The following TASP1 variants were observed in gnomAD, a reference collection of about 807,000 sequenced individuals.
TASP1 encodes the protein threonine aspartase 1.
In TASP1, 16 loss-of-function variants were observed where a neutral mutation model predicts 56.6. That is an observed-to-expected ratio of 0.28 (90% CI 0.19 to 0.43). The LOEUF (loss-of-function observed/expected upper bound fraction) is 0.43. Ranked by LOEUF, TASP1 falls within the 20% of genes least tolerant of loss-of-function variation. TASP1 has a pLI of 1.00. For synonymous variants in TASP1, 179 were observed against 184.2 expected, an observed-to-expected ratio of 0.97 and a Z score of 0.23; for missense variants, 393 against 511.6, an observed-to-expected ratio of 0.77 and a Z score of 2.24.
intron 8 of TASP1, among the ~76,000 whole-genome samples, 188 bp downstream of exon 8, chr20:13,558,820 A>T (rs2046248314): frequency 6.6e-6 from 1 of 151,972 alleles, no homozygotes; most frequent in African/African-American, 2.4e-5. Context: ...GTTTCTTTCT[A>T]CTTTCTTTTT....
chr20:13,542,045 C>CAAA (rs374309655), intron 8 of TASP1, among the ~76,000 whole-genome samples: 2 of 66,688 alleles, frequency 3.0e-5, no homozygotes, highest in Non-Finnish European at 3.3e-5. Context: ...ACTCCGTCTC[C>CAAA]AAAAAAAAAA....
At chr20:13,617,163 C>T (rs1243114831) in intron 4 of TASP1, 3 of 424,424 alleles carry the variant, frequency 7.1e-6, no homozygotes, top group East Asian at 7.7e-5. Flanking sequence ...AACATAAAGA[C>T]TCCATAAACA....
the TASP1 span, among the ~76,000 whole-genome samples, chr20:13,113,663 C>T: frequency 6.6e-6 from 1 of 152,146 alleles, no homozygotes; most frequent in African/African-American, 2.4e-5. Context: ...TCTGTGTGGC[C>T]TCCATAGGGT....
the TASP1 span, among the ~76,000 whole-genome samples, chr20:13,150,663 T>C: frequency 1.3e-5 from 2 of 152,232 alleles, no homozygotes; most frequent in African/African-American, 4.8e-5. Flanking sequence ...CTTCCAATCA[T>C]TAAATGTGGG....
chr20:13,476,336 T>C (rs1484575081), intron 11 of TASP1, among the ~76,000 whole-genome samples: 2 of 152,204 alleles, frequency 1.3e-5, no homozygotes, highest in Admixed American at 6.6e-5. Context: ...CCCAAACTCC[T>C]GGGAGTTTCA....
chr20:13,205,701 T>A, the TASP1 span, among the ~76,000 whole-genome samples: 1 of 151,968 alleles, frequency 6.6e-6, no homozygotes, highest in African/African-American at 2.4e-5. Flanking sequence ...CACCTCCGAA[T>A]GCCATCACAT....
intron 11 of TASP1, among the ~76,000 whole-genome samples, chr20:13,447,926 T>C (rs1415823211): frequency 6.6e-6 from 1 of 152,160 alleles, no homozygotes; most frequent in Admixed American, 6.6e-5. Flanking sequence ...GTCATATATT[T>C]GTTAATTTTG....
chr20:13,144,664 G>C, the TASP1 span, among the ~76,000 whole-genome samples: 1 of 152,188 alleles, frequency 6.6e-6, no homozygotes, highest in Non-Finnish European at 1.5e-5. Flanking sequence ...TTCTTAACTG[G>C]AGGTACACAC....
the TASP1 span, among the ~76,000 whole-genome samples, chr20:13,116,586 T>C: frequency 2.6e-5 from 4 of 152,226 alleles, no homozygotes; most frequent in Non-Finnish European, 4.4e-5. Context: ...GGATCTTTGT[T>C]AATTTAGAGC....
the TASP1 span, chr20:13,299,522 C>T: frequency 1.4e-6 from 2 of 1,468,426 alleles, no homozygotes; most frequent in South Asian, 2.5e-5. The surrounding 1 kb of genome is among the most constrained non-coding windows in gnomAD (Gnocchi z 5.8). Context: ...GCTGCACTGA[C>T]GTGCCGACTG....
chr20:13,630,249 T>C (rs909567191), intron 1 of TASP1, 97 bp from the exon 2 acceptor site: 1 of 613,918 alleles, frequency 1.6e-6, no homozygotes, highest in Admixed American at 4.1e-5. Context: ...AAAATCCTAT[T>C]TTTAAGTTAT....
chr20:13,477,035 T>C (rs1055724010), intron 11 of TASP1, among the ~76,000 whole-genome samples: 4 of 152,264 alleles, frequency 2.6e-5, no homozygotes, highest in East Asian at 1.9e-4. Flanking sequence ...TTTTTAAATA[T>C]TCTAAATCAT....
intron 10 of TASP1, among the ~76,000 whole-genome samples, chr20:13,509,600 TAAG>T (rs1269545841): frequency 6.6e-6 from 1 of 152,132 alleles, no homozygotes; most frequent in African/African-American, 2.4e-5. Context: ...CTGATTTCTT[TAAG>T]AAGTGTTTTG....
chr20:13,109,825 A>G, the TASP1 span, among the ~76,000 whole-genome samples: 4 of 152,180 alleles, frequency 2.6e-5, no homozygotes, highest in Non-Finnish European at 5.9e-5. Context: ...TAGAATTTCA[A>G]TCTCTCTAAG....
intron 10 of TASP1, among the ~76,000 whole-genome samples, chr20:13,513,236 T>C (rs1048794355): frequency 1.9e-4 from 29 of 152,186 alleles, no homozygotes; most frequent in Admixed American, 1.9e-3. Flanking sequence ...ATTCAACTGA[T>C]GTTTATTGAG....
chr20:13,576,882 GTAAAATAT>G (rs1228462044), intron 6 of TASP1, among the ~76,000 whole-genome samples: 6 of 152,038 alleles, frequency 3.9e-5, no homozygotes, highest in Admixed American at 3.9e-4. Flanking sequence ...TTTTCTCTTT[GTAAAATAT>G]TAAAATATTG....
At chr20:13,348,554 TTTCACGTTGGCTGACTTTTTTTCTG>T in the TASP1 span, among the ~76,000 whole-genome samples, 421 of 152,342 alleles carry the variant, frequency 2.8e-3, no homozygotes, top group African/African-American at 9.4e-3. Context: ...GCCTAGTGGA[TTTCACGTTGGCTGACTTTTTTTCTG>T]TTCACTCAAA....
the TASP1 span, among the ~76,000 whole-genome samples, chr20:13,380,469 C>T: frequency 2.0e-5 from 3 of 152,074 alleles, no homozygotes; most frequent in East Asian, 1.9e-4. Context: ...GAGGGGCACC[C>T]GCCAGATGCC....
chr20:13,386,534 T>G (rs1213661848), downstream of TASP1, among the ~76,000 whole-genome samples: 1 of 152,190 alleles, frequency 6.6e-6, no homozygotes, highest in African/African-American at 2.4e-5. Context: ...ATCTCAAGAT[T>G]CAAGAATGAT....
Sources: allele counts gnomAD v4.1 joint callset (sites outside exome capture counted in the v4.1 genomes callset), GRCh38; gene constraint gnomAD v4.1.1; non-coding constraint Gnocchi (gnomAD v3.1); transcripts MANE v1.5; gene names NCBI Gene and HGNC (gene_info 2026-07-23, HGNC 2026-07-21).